The following ZNF93 variants were observed in gnomAD, a reference collection of about 807,000 sequenced individuals.
ZNF93 encodes zinc finger protein 93.
Under a neutral mutation model 45.0 loss-of-function variants are expected in ZNF93, and 29 were observed. The ratio of observed to expected loss-of-function variants is 0.64; its 90% CI spans 0.48 to 0.88. The LOEUF is 0.88. Ranked by LOEUF, ZNF93 falls within the 40% of genes least tolerant of loss-of-function variation. The probability of loss-of-function intolerance (pLI) is 0.00; values close to 1 mark genes in which losing one functional copy is unlikely to be tolerated. For synonymous variants in ZNF93, 223 were observed against 244.6 expected (o/e 0.91, Z 0.82); for missense variants, 578 against 724.0 (o/e 0.80, Z 2.31).
chr19:19,920,808 T>C (rs2063340786), intron 3 of ZNF93, among the ~76,000 whole-genome samples: 1 of 152,244 alleles, frequency 6.6e-6, no homozygotes, highest in African/African-American at 2.4e-5. Context: ...TATCATTTTT[T>C]ATTGCATCTA....
At chr19:19,911,676 A>AC (rs1336656551) in intron 1 of ZNF93, among the ~76,000 whole-genome samples, 2 of 152,094 alleles carry the variant, frequency 1.3e-5, no homozygotes, top group Non-Finnish European at 2.9e-5. Flanking sequence ...TGGGCTTTAG[A>AC]CCACTTTCTT....
At chr19:19,927,244 A>G (rs1393651510) in intron 3 of ZNF93, 11 of 398,378 alleles carry the variant, frequency 2.8e-5, no homozygotes, top group Non-Finnish European at 4.9e-5. Flanking sequence ...AAAAAATTTA[A>G]TAATAGCCAG....
intron 3 of ZNF93, among the ~76,000 whole-genome samples, chr19:19,921,079 A>C (rs1287565371): frequency 1.3e-5 from 2 of 152,168 alleles, no homozygotes; most frequent in African/African-American, 4.8e-5. Flanking sequence ...GTGGGCATTT[A>C]GTGCTATAAA....
At chr19:19,928,778 T>C (rs2063363541) in intron 3 of ZNF93, among the ~76,000 whole-genome samples, 1 of 152,246 alleles carries the variant, frequency 6.6e-6, no homozygotes, top group Non-Finnish European at 1.5e-5. Flanking sequence ...TCTCCCAAAG[T>C]GTTAGGATTA....
chr19:19,916,463 C>G, intron 2 of ZNF93, 97 bp from the exon 3 acceptor site: 1 of 928,412 alleles, frequency 1.1e-6, no homozygotes, highest in East Asian at 2.6e-5. Flanking sequence ...TATTAATTTA[C>G]TAGAATATTT....
chr19:19,919,893 C>G (rs2063337937), intron 3 of ZNF93, among the ~76,000 whole-genome samples: 1 of 152,148 alleles, frequency 6.6e-6, no homozygotes, highest in African/African-American at 2.4e-5. Flanking sequence ...ATGTCATCTG[C>G]AAACAGTGAC....
At chr19:19,908,247 C>T (rs910268356) in intron 1 of ZNF93, 4 of 152,176 alleles carry the variant, frequency 2.6e-5, no homozygotes, top group African/African-American at 9.7e-5. Flanking sequence ...TGTATGAACA[C>T]AGTCAGATTC....
At chr19:19,906,320 A>T (rs903997741) in intron 1 of ZNF93, among the ~76,000 whole-genome samples, 1 of 152,120 alleles carries the variant, frequency 6.6e-6, no homozygotes, top group African/African-American at 2.4e-5. Context: ...TGTTAGTCAC[A>T]TGTATGCCTG....
chr19:19,918,762 G>T (rs1402017386), intron 3 of ZNF93, among the ~76,000 whole-genome samples: 1 of 152,172 alleles, frequency 6.6e-6, no homozygotes, highest in Non-Finnish European at 1.5e-5. Context: ...TTTGAGAAGT[G>T]TCTATTAATA....
intron 3 of ZNF93, chr19:19,932,361 C>T (rs1013238746): frequency 3.3e-5 from 5 of 152,318 alleles, no homozygotes; most frequent in African/African-American, 1.2e-4. Flanking sequence ...TAAATAACTA[C>T]CAATCCTTTG....
chr19:19,920,353 C>T (rs2063339563), intron 3 of ZNF93, among the ~76,000 whole-genome samples: 1 of 151,960 alleles, frequency 6.6e-6, no homozygotes. Context: ...TTCGGTTTGC[C>T]AGCTTATTGA....
chr19:19,903,886 CGTGG>C (rs1430145607), intron 1 of ZNF93, among the ~76,000 whole-genome samples: 1 of 151,814 alleles, frequency 6.6e-6, no homozygotes, highest in African/African-American at 2.4e-5. Context: ...GCCTGGCCAA[CGTGG>C]TGGAACCCTG....
At chr19:19,920,358 T>C (rs1471859854) in intron 3 of ZNF93, among the ~76,000 whole-genome samples, 1 of 152,244 alleles carries the variant, frequency 6.6e-6, no homozygotes, top group Non-Finnish European at 1.5e-5. Flanking sequence ...TTTGCCAGCT[T>C]ATTGAGGATT....
intron 1 of ZNF93, among the ~76,000 whole-genome samples, chr19:19,911,538 A>G (rs1280567575): frequency 6.6e-6 from 1 of 152,204 alleles, no homozygotes; most frequent in Non-Finnish European, 1.5e-5. Flanking sequence ...TCATATGGGC[A>G]TTAAAAAAAT....
At chr19:19,901,448 G>A (rs1474952085) in intron 1 of ZNF93, among the ~76,000 whole-genome samples, 1 of 152,162 alleles carries the variant, frequency 6.6e-6, no homozygotes, top group African/African-American at 2.4e-5. Flanking sequence ...GAGCTTTAGT[G>A]GGTTGGGTTC....
chr19:19,925,974 G>A (rs1177242583), intron 3 of ZNF93: 2 of 151,436 alleles, frequency 1.3e-5, no homozygotes, highest in Admixed American at 6.6e-5. Context: ...ATAATTATAC[G>A]GCATATTCTC....
Position 19,917,808 on chromosome 19 carries a change from G to A in ZNF93, c.226+1153G>A, listed in dbSNP as rs553033306. On this transcript the variant is annotated intron_variant, in intron 3 of 3. Coordinates refer to ENST00000343769, the MANE Select transcript of ZNF93 (RefSeq NM_031218.4). ...TGGGATTACAGGCATGAGCCACCACGCCTAGCTAGACAGTTTTTAATATAC... is the reference window on the plus strand; with the variant it reads ...TGGGATTACAGGCATGAGCCACCACACCTAGCTAGACAGTTTTTAATATAC... Among the ~76,000 whole-genome samples, 11 of 152,196 alleles carry A rather than the reference G, an allele frequency of 7.2e-5. 1 individual carries two copies. In the South Asian group the frequency reaches 2.3e-3, roughly 32 times the overall value.
intron 2 of ZNF93, among the ~76,000 whole-genome samples, chr19:19,916,089 C>CA (rs2063322798): frequency 1.5e-5 from 2 of 135,176 alleles, no homozygotes; most frequent in Non-Finnish European, 1.6e-5. Context: ...TTTTTTGAGA[C>CA]GGAGTCTTGC....
chr19:19,929,961 A>AAG (rs1568513202), intron 3 of ZNF93, among the ~76,000 whole-genome samples: 9 of 148,338 alleles, frequency 6.1e-5, no homozygotes, highest in African/African-American at 2.0e-4. Context: ...AAAAAAAAAA[A>AAG]AGAGATTGTA....
Sources: allele counts gnomAD v4.1 joint callset (sites outside exome capture counted in the v4.1 genomes callset), GRCh38; gene constraint gnomAD v4.1.1; transcripts MANE v1.5; gene names NCBI Gene and HGNC (gene_info 2026-07-23, HGNC 2026-07-21).